Variants in PLPBP observed in about 807,000 individuals in gnomAD.
The protein encoded by PLPBP is pyridoxal phosphate binding protein.
A neutral mutation model predicts 31.2 loss-of-function variants in PLPBP; 21 were observed. The observed-to-expected ratio is 0.67, with a 90% CI of 0.48 to 0.97. PLPBP has a LOEUF of 0.97. Among genes scored for constraint, PLPBP ranks in the 50% least tolerant of loss-of-function variants. The pLI, the probability that PLPBP is intolerant of heterozygous loss-of-function variation, is 0.00. For synonymous variants in PLPBP, 124 were observed against 135.6 expected (o/e 0.91, Z 0.59); for missense variants, 308 against 354.4 (o/e 0.87, Z 1.05).
chr8:37,764,071 C>CTTTTTTTTTTTTTTTT (rs111913973), intron 1 of PLPBP, among the ~76,000 whole-genome samples: 1 of 126,910 alleles, frequency 7.9e-6, no homozygotes, highest in Non-Finnish European at 1.7e-5. Context: ...TCTTTTCTTT[C>CTTTTTTTTTTTTTTTT]TTTTTTTTTT....
intron 4 of PLPBP, among the ~76,000 whole-genome samples, chr8:37,768,764 C>G (rs964092863): frequency 6.6e-6 from 1 of 152,060 alleles, no homozygotes; most frequent in Admixed American, 6.6e-5. Flanking sequence ...TGAGCCACCA[C>G]GCCCGGCGGT....
At chr8:37,771,635 C>G (rs1554519343) in intron 4 of PLPBP, among the ~76,000 whole-genome samples, 1 of 151,592 alleles carries the variant, frequency 6.6e-6, no homozygotes, top group African/African-American at 2.4e-5. Flanking sequence ...GCAACCAAAG[C>G]AAAAATGGAC....
At chr8:37,764,601 G>T (rs1000556923) in intron 1 of PLPBP, among the ~76,000 whole-genome samples, 3 of 152,182 alleles carry the variant, frequency 2.0e-5, no homozygotes, top group African/African-American at 7.2e-5. Flanking sequence ...GATTACAGGC[G>T]TGTGGCTCAC....
At chr8:37,765,381 G>A in intron 1 of PLPBP, 145 bp from the exon 2 acceptor site, 4 of 718,978 alleles carry the variant, frequency 5.6e-6, no homozygotes, top group Non-Finnish European at 9.7e-6. Context: ...ATTTGATATT[G>A]ATCTGCCTAC....
At chr8:37,775,192 T>C (rs1803868421) in intron 5 of PLPBP, 147 bp from the exon 6 acceptor site, 1 of 848,450 alleles carries the variant, frequency 1.2e-6, no homozygotes. Flanking sequence ...ACCCCAAGTA[T>C]AAAGTTACTC....
intron 1 of PLPBP, among the ~76,000 whole-genome samples, chr8:37,764,059 GTTC>G (rs1803554096): frequency 6.8e-6 from 1 of 146,708 alleles, no homozygotes; most frequent in South Asian, 2.2e-4. Context: ...TCTGCCACTG[GTTC>G]TTTTCTTTCT....
intron 4 of PLPBP, among the ~76,000 whole-genome samples, chr8:37,767,063 A>C (rs1803651052): frequency 6.6e-6 from 1 of 151,594 alleles, no homozygotes; most frequent in Admixed American, 6.6e-5. Flanking sequence ...AAAAAAAAAA[A>C]AAAAAACAAG....
chr8:37,775,633 AG>A, intron 6 of PLPBP, 152 bp downstream of exon 6: 1 of 1,232,030 alleles, frequency 8.1e-7, no homozygotes, highest in Non-Finnish European at 1.1e-6. Flanking sequence ...CAGAAGGAAA[AG>A]GGAAGAACAG....
At chr8:37,765,475 T>TG (rs1439398957) in intron 1 of PLPBP, 51 bp from the exon 2 acceptor site, 1 of 1,512,310 alleles carries the variant, frequency 6.6e-7, no homozygotes, top group Non-Finnish European at 9.2e-7. Flanking sequence ...TGGGATTCAT[T>TG]GGGGTACTGT....
chr8:37,769,495 TA>T (rs1427550990), intron 4 of PLPBP, among the ~76,000 whole-genome samples: 1 of 151,302 alleles, frequency 6.6e-6, no homozygotes, highest in Non-Finnish European at 1.5e-5. Flanking sequence ...CCAGAATACA[TA>T]AAGAGCTACA....
chr8:37,777,860 C>T, intron 7 of PLPBP, 113 bp from the exon 8 acceptor site: 1 of 1,270,554 alleles, frequency 7.9e-7, no homozygotes, highest in Non-Finnish European at 1.1e-6. Flanking sequence ...CGTGAGCCAC[C>T]ACGCCCCGTC....
At chr8:37,772,963 C>T in intron 5 of PLPBP, 74 bp downstream of exon 5, 3 of 1,563,800 alleles carry the variant, frequency 1.9e-6, no homozygotes, top group Non-Finnish European at 2.6e-6. Flanking sequence ...TGGGTGGGCC[C>T]AAGTGTCTGA....
rs749973089 is a variant in PLPBP at position 37,772,750 on chromosome 8, T to TA, written c.320-4dup. The TA allele has an allele frequency of 6.2e-7, 1 of 1,614,194 alleles. No homozygotes were observed. The highest frequency in any genetic ancestry group is 8.5e-7 in the Non-Finnish European group (1 of 1,180,014). The stretch of plus-strand genomic sequence containing the variant: ...GAATACTACTTTGCCTCTGTCTCAT[T>TA]ACAGCTGTCCCCAATCTCTTCATGC... On this transcript the variant is annotated splice_polypyrimidine_tract_variant and splice_region_variant and intron_variant, in intron 4 of 7. Coordinates refer to ENST00000328195, the MANE Select transcript of PLPBP (RefSeq NM_007198.4).
At position 37,766,275 on chromosome 8, in the gene PLPBP, C is replaced by T; in HGVS notation, c.244-5C>T. The T allele has an allele frequency of 2.5e-6, 4 of 1,602,820 alleles. No homozygotes were observed. The highest frequency in any genetic ancestry group is 3.4e-6 in the Non-Finnish European group (4 of 1,175,174). The stretch of plus-strand genomic sequence containing the variant: ...AATTACACATGGTTACCTTTTTCCC[C>T]TCAGATTCTGTCTTTGTGTCCTGAG... On this transcript the variant is annotated splice_polypyrimidine_tract_variant and splice_region_variant and intron_variant, in intron 3 of 7. Coordinates refer to ENST00000328195, the MANE Select transcript of PLPBP (RefSeq NM_007198.4).
intron 5 of PLPBP, among the ~76,000 whole-genome samples, chr8:37,774,119 G>T (rs1334625129): frequency 6.6e-6 from 1 of 152,126 alleles, no homozygotes; most frequent in Non-Finnish European, 1.5e-5. Flanking sequence ...GCTGAGGCAG[G>T]AGGATCCCTC....
intron 4 of PLPBP, among the ~76,000 whole-genome samples, chr8:37,767,127 T>TA (rs1435398739): frequency 6.6e-6 from 1 of 151,810 alleles, no homozygotes; most frequent in Non-Finnish European, 1.5e-5. Context: ...TAACTGAACT[T>TA]ATTTCCCTTA....
intron 4 of PLPBP, among the ~76,000 whole-genome samples, chr8:37,769,790 G>A (rs1411251674): frequency 1.1e-4 from 17 of 152,118 alleles, no homozygotes; most frequent in Non-Finnish European, 5.9e-5. Flanking sequence ...AACAACTTCA[G>A]TAACATTGCA....
chr8:37,763,594 TGTGATTCTCG>T (rs1803542044), intron 1 of PLPBP, among the ~76,000 whole-genome samples: 1 of 152,216 alleles, frequency 6.6e-6, no homozygotes, highest in African/African-American at 2.4e-5. Flanking sequence ...GTTAATATTC[TGTGATTCTCG>T]GTGATTCTCC....
intron 4 of PLPBP, among the ~76,000 whole-genome samples, chr8:37,767,046 C>CAAAAAAA (rs377103424): frequency 4.2e-4 from 24 of 56,898 alleles, no homozygotes; most frequent in South Asian, 9.6e-4. Context: ...GACTTCATCC[C>CAAAAAAA]AAAAAAAAAA....
Sources: gnomAD v4.1 joint callset for allele counts (sites outside exome capture counted in the v4.1 genomes callset) on GRCh38, gnomAD v4.1.1 for gene constraint, MANE v1.5 for transcripts, NCBI Gene and HGNC (gene_info 2026-07-23, HGNC 2026-07-21) for gene names.